CORO1A: variants seen among roughly 807,000 people sequenced by gnomAD.
The protein encoded by CORO1A is coronin-1A.
Under a neutral mutation model 44.1 loss-of-function variants are expected in CORO1A, and 17 were observed. The observed-to-expected ratio is 0.39, with a 90% CI of 0.26 to 0.58. The LOEUF (loss-of-function observed/expected upper bound fraction) is 0.58. Among genes scored for constraint, CORO1A ranks in the 20% least tolerant of loss-of-function variants. CORO1A has a pLI of 0.62. For missense variants in CORO1A, 415 were observed against 606.5 expected, an observed-to-expected ratio of 0.68 and a Z score of 3.32; for synonymous variants, 271 against 244.2, an observed-to-expected ratio of 1.11 and a Z score of -1.02.
At chr16:30,186,455 C>T (rs1001806746) in intron 2 of CORO1A, 143 bp from the exon 3 acceptor site, 10 of 987,856 alleles carry the variant, frequency 1.0e-5, no homozygotes, top group Admixed American at 3.8e-5. Flanking sequence ...GAAGAACAAC[C>T]CGCCCCCGTC....
chr16:30,187,321 C>G, intron 5 of CORO1A, 61 bp from the exon 6 acceptor site: 1 of 1,606,254 alleles, frequency 6.2e-7, no homozygotes, highest in Non-Finnish European at 8.5e-7. Context: ...TCGCCTCCAC[C>G]TGGGACTGGC....
rs1186844493 is a variant in CORO1A, at chr16:30,188,852, G to A, written c.1282-8G>A. On this transcript the variant is annotated splice_polypyrimidine_tract_variant and splice_region_variant and intron_variant, in intron 10 of 10. Transcript: ENST00000219150. ...GGAGCTGGGCCTAATGCAGCACCGGGTCCCCAGGATGCCGTGTCTCGGCTG... is the reference window on the plus strand; with the variant it reads ...GGAGCTGGGCCTAATGCAGCACCGGATCCCCAGGATGCCGTGTCTCGGCTG... 2.4e-6 allele frequency: 1 copy of A among 411,480 alleles called. No individual in the cohort carries two copies. Among genetic ancestry groups the A allele is most frequent in the East Asian group, 3.7e-5 (1 of 26,904 alleles). The allele number at this position is 411,480 out of a possible 1,614,324, so 25.5% of individuals were successfully genotyped here.
intron 5 of CORO1A, 62 bp from the exon 6 acceptor site, chr16:30,187,320 C>T (rs1349435563): frequency 1.3e-5 from 21 of 1,606,216 alleles, no homozygotes; most frequent in Non-Finnish European, 1.8e-5. Flanking sequence ...CTCGCCTCCA[C>T]CTGGGACTGG....
chr16:30,185,093 G>A, intron 1 of CORO1A, 116 bp from the exon 2 acceptor site: 1 of 967,036 alleles, frequency 1.0e-6, no homozygotes, highest in Non-Finnish European at 1.6e-6. Context: ...GGAGCCCCTG[G>A]AGATGATGCT....
At chr16:30,186,745 G>C (rs756257846) in intron 3 of CORO1A, 25 bp downstream of exon 3, 1 of 1,610,430 alleles carries the variant, frequency 6.2e-7, no homozygotes, top group Non-Finnish European at 8.5e-7. Context: ...GGACCCAGGG[G>C]CTGGGAGAGG....
rs758632532 is a variant in CORO1A, at chr16:30,188,179, C to T, written c.1008-13C>T. On this transcript the variant is annotated splice_polypyrimidine_tract_variant and intron_variant, in intron 8 of 10. Coordinates refer to ENST00000219150, the MANE Select transcript of CORO1A (RefSeq NM_007074.4). ...CCAGACTGTGGGCCCCGCTCACCTT[C>T]CCCTTCCCACAGGTTCTACAAGCTG... The T allele has an allele frequency of 6.2e-7, 1 of 1,614,062 alleles. No individual in the cohort carries two copies. Among genetic ancestry groups the T allele is most frequent in the Admixed American group, 1.7e-5 (1 of 60,018 alleles).
In CORO1A at chr16:30,188,187, C is replaced by T; in HGVS notation, c.1008-5C>T. ...TGGGCCCCGCTCACCTTCCCCTTCC[C>T]ACAGGTTCTACAAGCTGCACGAGCG... is the stretch of plus-strand genomic sequence containing the variant. On this transcript the variant is annotated splice_region_variant and splice_polypyrimidine_tract_variant and intron_variant, in intron 8 of 10. Transcript: ENST00000219150. 1 of 1,614,138 alleles carries T rather than the reference C, an allele frequency of 6.2e-7. No individual in the cohort carries two copies. The highest frequency in any genetic ancestry group is 8.5e-7 in the Non-Finnish European group (1 of 1,180,006).
Position 30,186,926 on chromosome 16 carries a change from G to A in CORO1A, c.432G>A (p.Gln144=). The change falls in exon 4 of 11, where the codon CAG becomes CAA. Residue 144 remains glutamine (Q), a synonymous_variant. Transcript: ENST00000219150. Reference sequence around the variant, plus strand: ...TTGTGGCCTGGCACACCACAGCCCAGAACGTGCTGCTCAGTGCAGGTGCTG... The same window carrying A: ...TTGTGGCCTGGCACACCACAGCCCAAAACGTGCTGCTCAGTGCAGGTGCTG... ...VGIVAWHTTA[Q]NVLLSAGCDN... is the part of the protein sequence containing the mutation. 1 of 1,612,776 alleles carries A rather than the reference G, an allele frequency of 6.2e-7. No homozygotes were observed. Among genetic ancestry groups the A allele is most frequent in the Non-Finnish European group, 8.5e-7 (1 of 1,179,998 alleles).
chr16:30,185,540 G>A, intron 2 of CORO1A, 133 bp downstream of exon 2: 1 of 744,344 alleles, frequency 1.3e-6, no homozygotes, highest in East Asian at 2.7e-5. Context: ...TGGGCCCCAT[G>A]AGCCTTACAC....
chr16:30,186,953 G>T lies in CORO1A; in HGVS notation c.451+8G>T, dbSNP rs112123877. ...ACGTGCTGCTCAGTGCAGGTGCTGC[G>T]GGAGGAGGGGCTTGGGGGTGGCTCG... On this transcript the variant is annotated splice_region_variant and intron_variant, in intron 4 of 10. Transcript: ENST00000219150. 1 of 1,612,850 alleles carries T rather than the reference G, an allele frequency of 6.2e-7. No individual in the cohort carries two copies. Among genetic ancestry groups the T allele is most frequent in the Middle Eastern group, 1.6e-4 (1 of 6,062 alleles).
intron 10 of CORO1A, 136 bp from the exon 11 acceptor site, chr16:30,188,724 G>C: frequency 1.6e-6 from 1 of 644,430 alleles, no homozygotes; most frequent in Non-Finnish European, 2.6e-6. Context: ...AGATTGATAG[G>C]CCTGCAGGTC....
rs2073381413 is a variant in CORO1A, at chr16:30,188,747, C to A, written c.1282-113C>A. On this transcript the variant is annotated intron_variant, in intron 10 of 10. Coordinates refer to ENST00000219150, the MANE Select transcript of CORO1A (RefSeq NM_007074.4). The stretch of plus-strand genomic sequence containing the variant: ...AGGCCTGCAGGTCTCCAGGCAGCAA[C>A]CAGCTGAGCGACTAAAGGGCCCAAG... The A allele has an allele frequency of 5.2e-6, 3 of 581,124 alleles. No individual in the cohort carries two copies. In the Admixed American group the frequency reaches 9.3e-5, roughly 18 times the overall value. The allele number at this position is 581,124 out of a possible 1,614,324, so 36.0% of individuals were successfully genotyped here. A position where few individuals can be genotyped will look rare whatever the true frequency, so the allele number is the denominator to read the frequency against.
intron 2 of CORO1A, chr16:30,186,228 C>T (rs1168777624): frequency 1.1e-5 from 4 of 351,046 alleles, no homozygotes; most frequent in Admixed American, 8.0e-5. Context: ...CCTCCACCCC[C>T]CCAGCCCCCA....
chr16:30,186,543 G>C, intron 2 of CORO1A, 55 bp from the exon 3 acceptor site: 1 of 1,608,462 alleles, frequency 6.2e-7, no homozygotes, highest in East Asian at 2.2e-5. Context: ...GGTGTGGGGA[G>C]GTTGGATTGG....
In CORO1A at chr16:30,188,568, C is replaced by T; in HGVS notation, c.1273C>T (p.Pro425Ser). Residue 425 changes from proline (P) to serine (S), a missense_variant, in exon 10 of 11, where the codon CCC becomes TCC. Pro to Ser is a moderately conservative substitution (Grantham distance 74, BLOSUM62 -1). Transcript: ENST00000219150. ...RRAAPEASGT[P>S]SSDAVSRLEE... Reference sequence around the variant, plus strand: ...GGCAGCACCAGAGGCCAGTGGCACTCCCAGCTCGGTGAGAGGGCTGGGAAG... The same window carrying T: ...GGCAGCACCAGAGGCCAGTGGCACTTCCAGCTCGGTGAGAGGGCTGGGAAG... The T allele has an allele frequency of 6.2e-7, 1 of 1,602,224 alleles. No homozygotes were observed. Among genetic ancestry groups the T allele is most frequent in the Non-Finnish European group, 8.5e-7 (1 of 1,175,254 alleles).
chr16:30,187,858 G>C, intron 7 of CORO1A, 29 bp downstream of exon 7: 1 of 755,612 alleles, frequency 1.3e-6, no homozygotes, highest in Non-Finnish European at 2.2e-6. Context: ...GTGGGGGTGG[G>C]AGGTGGGCAG....
chr16:30,187,690 G>C (rs1391464111), intron 6 of CORO1A, 35 bp from the exon 7 acceptor site: 1 of 1,546,404 alleles, frequency 6.5e-7, no homozygotes, highest in East Asian at 2.2e-5. Context: ...CACCATCCCA[G>C]GGCCTGGGAT....
In CORO1A at chr16:30,188,235, A is replaced by G; in HGVS notation, c.1051A>G (p.Thr351Ala). 6.2e-7 allele frequency: 1 copy of G among 1,614,092 alleles called. No homozygotes were observed. Among genetic ancestry groups the G allele is most frequent in the Non-Finnish European group, 8.5e-7 (1 of 1,180,002 alleles). Residue 351 changes from threonine (T) to alanine (A), a missense_variant, in exon 9 of 11, where the codon ACA (threonine) becomes GCA (alanine). Physicochemically the swap from Thr to Ala is moderately conservative, Grantham distance 58. Transcript: ENST00000219150. ...GCGGAGGTGTGAGCCCATTGCCATGACAGTGCCTCGAAAGGTGATGCTCCC... is the reference window on the plus strand; with the variant it reads ...GCGGAGGTGTGAGCCCATTGCCATGGCAGTGCCTCGAAAGGTGATGCTCCC... Reference protein sequence around the residue: ...HERRCEPIAMTVPRKSDLFQE... With the variant: ...HERRCEPIAMAVPRKSDLFQE...
intron 2 of CORO1A, chr16:30,185,783 G>A (rs2073326605): frequency 3.3e-6 from 1 of 305,018 alleles, no homozygotes; most frequent in Non-Finnish European, 6.3e-6. Context: ...CTCTGGGCCT[G>A]TCTGAGGACC....
Sources: allele counts gnomAD v4.1 joint callset, GRCh38; gene constraint gnomAD v4.1.1; transcripts MANE v1.5; gene names NCBI Gene and HGNC (gene_info 2026-07-23, HGNC 2026-07-21).